The following LNX1 variants were observed in gnomAD, a reference collection of about 807,000 sequenced individuals.
LNX1 encodes the protein E3 ubiquitin-protein ligase LNX.
LNX1 carries 54 observed loss-of-function variants against 68.4 expected under a neutral mutation model. The observed-to-expected ratio is 0.79, with a 90% CI of 0.63 to 0.99. The LOEUF (loss-of-function observed/expected upper bound fraction) is 0.99, where lower values mean the gene tolerates loss of function less well. Ranked by LOEUF, LNX1 falls within the 50% of genes least tolerant of loss-of-function variation. LNX1 has a pLI of 0.00. For synonymous variants in LNX1, 336 were observed against 350.0 expected (o/e 0.96, Z 0.45); for missense variants, 906 against 926.4 (o/e 0.98, Z 0.29).
chr4:53,558,059 C>A, intron 2 of LNX1: 1 of 1,562,438 alleles, frequency 6.4e-7, no homozygotes, highest in Non-Finnish European at 8.6e-7. Flanking sequence ...CTTGCCATGC[C>A]CCCACAATCA....
chr4:53,506,263 A>G (rs144716642), intron 4 of LNX1, among the ~76,000 whole-genome samples: 1 of 152,316 alleles, frequency 6.6e-6, no homozygotes, highest in Non-Finnish European at 1.5e-5. Context: ...TGATAGTCCT[A>G]TCCCCTTAAC....
Position 53,634,630 on chromosome 4 carries a change from T to TG in LNX1, c.-215+17537dup, listed in dbSNP as rs1734397440. Among the ~76,000 whole-genome samples the TG allele has an allele frequency of 2.6e-5, 4 of 151,956 alleles. No homozygotes were observed. The South Asian group carries it at 8.3e-4, about 32-fold the overall frequency. ...TCTACTGGTGGAGCTACAATCACAG[T>TG]GGGGAATTGGCCAACCTACTTACTA... On this transcript the variant is annotated intron_variant, in intron 1 of 2. Coordinates refer to the LNX1 transcript ENST00000507168.
intron 1 of LNX1, among the ~76,000 whole-genome samples, chr4:53,575,184 G>T (rs1372444067): frequency 6.6e-6 from 1 of 152,180 alleles, no homozygotes; most frequent in Non-Finnish European, 1.5e-5. Flanking sequence ...GTTTCGCCAT[G>T]TTGGCCAGGC....
intron 2 of LNX1, among the ~76,000 whole-genome samples, chr4:53,601,468 G>A (rs1435242893): frequency 1.3e-5 from 2 of 152,158 alleles, no homozygotes; most frequent in Non-Finnish European, 2.9e-5. Flanking sequence ...TAAGTGTCTT[G>A]CCACGATGGC....
At chr4:53,652,126 T>A (rs1261090656) in intron 1 of LNX1, 1 of 151,700 alleles carries the variant, frequency 6.6e-6, no homozygotes, top group Admixed American at 6.6e-5. Context: ...TTTTTTTAAA[T>A]TGTATGAGAT....
chr4:53,571,333 T>G (rs1230160360), intron 2 of LNX1, among the ~76,000 whole-genome samples: 1 of 151,970 alleles, frequency 6.6e-6, no homozygotes, highest in Non-Finnish European at 1.5e-5. Context: ...TTAAGAATCT[T>G]GAGATGAAGG....
rs565589626 is a variant in LNX1 at position 53,470,997 on chromosome 4, G to A, written c.1892+5756C>T. Among the ~76,000 whole-genome samples the A allele has an allele frequency of 3.4e-3, 490 of 144,528 alleles. 3 individuals carry two copies. The highest frequency in any genetic ancestry group is 0.012 in the African/African-American group (462 of 38,896). The allele number at this position is 144,528 out of a possible 152,430, so 94.8% of individuals were successfully genotyped here. On this transcript the variant is annotated intron_variant, in intron 9 of 10. Transcript: ENST00000263925. ...CAGAATTGGAAAAAACTACTTTAAAGTTCATATGGAACCAAAAAAGAGCCC... is the reference window on the plus strand; with the variant it reads ...CAGAATTGGAAAAAACTACTTTAAAATTCATATGGAACCAAAAAAGAGCCC...
chr4:53,525,365 C>T (rs1727537662), intron 2 of LNX1, among the ~76,000 whole-genome samples: 1 of 152,078 alleles, frequency 6.6e-6, no homozygotes, highest in Non-Finnish European at 1.5e-5. Flanking sequence ...GCCTGTAATC[C>T]CAGCTACTTG....
intron 2 of LNX1, among the ~76,000 whole-genome samples, chr4:53,508,931 T>C (rs1198731954): frequency 1.9e-5 from 1 of 51,704 alleles, no homozygotes; most frequent in African/African-American, 5.6e-5. Flanking sequence ...CCATTCACTA[T>C]CCATGCTATA....
intron 2 of LNX1, among the ~76,000 whole-genome samples, chr4:53,567,693 T>C (rs1036026990): frequency 6.6e-6 from 1 of 151,940 alleles, no homozygotes; most frequent in Non-Finnish European, 1.5e-5. Context: ...TTCAAAAAAT[T>C]GATGAATCCA....
At chr4:53,630,788 C>T (rs1475163502) in intron 1 of LNX1, among the ~76,000 whole-genome samples, 2 of 152,160 alleles carry the variant, frequency 1.3e-5, no homozygotes, top group Non-Finnish European at 2.9e-5. Context: ...AGGAAGCTAA[C>T]GTGGTAGTTC....
chr4:53,561,603 T>G (rs1164463254), intron 2 of LNX1, among the ~76,000 whole-genome samples: 1 of 152,202 alleles, frequency 6.6e-6, no homozygotes, highest in Non-Finnish European at 1.5e-5. Flanking sequence ...CACACTACCC[T>G]GGATGGAAGT....
In LNX1 at chr4:53,573,423, A is replaced by G. The variant is rs184855550; in HGVS notation, c.380+200T>C. ...TTACATTTTATTAGAATTTTAAAAA[A>G]TCCCATAAACACATACATACAACAC... On this transcript the variant is annotated intron_variant, in intron 2 of 10. Transcript: ENST00000263925. 5.2e-3 allele frequency among the ~76,000 whole-genome samples: 796 copies of G among 152,342 alleles called. 9 individuals are homozygous for G. Among genetic ancestry groups the G allele is most frequent in the African/African-American group, 0.017 (727 of 41,572 alleles).
chr4:53,486,654 T>C (rs900821869), intron 6 of LNX1, among the ~76,000 whole-genome samples: 2 of 152,160 alleles, frequency 1.3e-5, no homozygotes, highest in African/African-American at 4.8e-5. Flanking sequence ...GACCAATTAC[T>C]TCTGGCTGAG....
chr4:53,505,977 C>G (rs1725842540), intron 4 of LNX1, among the ~76,000 whole-genome samples: 1 of 152,140 alleles, frequency 6.6e-6, no homozygotes, highest in Non-Finnish European at 1.5e-5. Flanking sequence ...GAGCATGCAG[C>G]ATGTACGTGC....
At chr4:53,541,475 T>C (rs1402150158) in intron 2 of LNX1, among the ~76,000 whole-genome samples, 9 of 150,544 alleles carry the variant, frequency 6.0e-5, no homozygotes, top group Non-Finnish European at 1.2e-4. Context: ...ACATTTCATA[T>C]ATATTTTTTT....
chr4:53,544,482 C>A (rs1247128930), intron 2 of LNX1, among the ~76,000 whole-genome samples: 1 of 151,444 alleles, frequency 6.6e-6, no homozygotes, highest in Non-Finnish European at 1.5e-5. Context: ...ATGTGAGCCA[C>A]CATGTCCGGC....
At chr4:53,502,101 C>G (rs1339552821) in intron 4 of LNX1, 3 of 152,136 alleles carry the variant, frequency 2.0e-5, no homozygotes, top group Non-Finnish European at 2.9e-5. Context: ...ATATTATGTC[C>G]TCACTCAAGG....
At chr4:53,472,698 A>G in intron 9 of LNX1, among the ~76,000 whole-genome samples, 1 of 131,842 alleles carries the variant, frequency 7.6e-6, no homozygotes, top group East Asian at 2.1e-4. Context: ...AAAAAAAAAA[A>G]ACAAAAAACA....
Sources: allele counts gnomAD v4.1 joint callset (sites outside exome capture counted in the v4.1 genomes callset), GRCh38; gene constraint gnomAD v4.1.1; transcripts MANE v1.5; gene names NCBI Gene and HGNC (gene_info 2026-07-23, HGNC 2026-07-21).